The following PEX14 variants were observed in gnomAD, a reference collection of about 807,000 sequenced individuals.
PEX14 encodes the protein peroxisomal membrane protein PEX14.
A neutral mutation model predicts 49.5 loss-of-function variants in PEX14; 15 were observed. The ratio of observed to expected loss-of-function variants is 0.30; its 90% CI spans 0.20 to 0.47. The LOEUF is 0.47. Ranked by LOEUF, PEX14 falls within the 20% of genes least tolerant of loss-of-function variation. PEX14 has a pLI of 1.00. For synonymous variants in PEX14, 210 were observed against 212.7 expected (o/e 0.99, Z 0.11); for missense variants, 398 against 494.8 (o/e 0.80, Z 1.86).
chr1:10,509,274 C>A (rs72869157), intron 2 of PEX14, among the ~76,000 whole-genome samples: 179 of 152,256 alleles, frequency 1.2e-3, no homozygotes, highest in African/African-American at 4.2e-3. Flanking sequence ...CCTCACCTCT[C>A]CAGCTCTCTG....
intron 3 of PEX14, among the ~76,000 whole-genome samples, chr1:10,546,793 C>T (rs1199236094): frequency 1.3e-5 from 2 of 151,046 alleles, no homozygotes; most frequent in African/African-American, 4.9e-5. Context: ...GGCGTGAACC[C>T]GGGAGGCGGA....
chr1:10,524,289 T>C (rs7522072), intron 2 of PEX14: 24,950 of 164,984 alleles, frequency 0.15, 2,068 homozygotes, highest in South Asian at 0.3. Flanking sequence ...TAGGGATTTT[T>C]GTAATTTCCA....
rs1197411234 is a variant in PEX14 at position 10,514,042 on chromosome 1, T to C, written c.84+18721T>C. ...CCTGTAATTATTTAACATTATATGC[T>C]GATATAAATTGTAACAGTTAAAGAA... On this transcript the variant is annotated intron_variant, in intron 2 of 8. Transcript: ENST00000356607. This position sits in a 1 kb window ranked among gnomAD's most constrained non-coding sequence, Gnocchi z 4.4. 6.6e-6 allele frequency among the ~76,000 whole-genome samples: 1 copy of C among 151,520 alleles called. No individual in the cohort carries two copies. Among genetic ancestry groups the C allele is most frequent in the African/African-American group, 2.4e-5 (1 of 41,186 alleles).
intron 5 of PEX14, among the ~76,000 whole-genome samples, chr1:10,618,939 C>G (rs1186923456): frequency 1.3e-5 from 2 of 152,226 alleles, no homozygotes; most frequent in Admixed American, 1.3e-4. Flanking sequence ...GACTCAGAGC[C>G]ATGCCCGGCA....
chr1:10,624,357 AC>A lies in PEX14; in HGVS notation c.508del (p.Leu170SerfsTer8). 1.2e-6 allele frequency: 2 copies of A among 1,612,736 alleles called. No homozygotes were observed. The highest frequency in any genetic ancestry group is 1.7e-6 in the Non-Finnish European group (2 of 1,179,274). On this transcript the variant is annotated frameshift_variant, in exon 7 of 9. Transcript: ENST00000356607. LOFTEE classifies it high-confidence loss of function. ...CCTCGCAGTGACTCAGTTACAGACG[AC>A]CCTCGCCTCCGTCCAGGAGCTGCTG... ...VAQTVTQLQT[T>X]LASVQELLIQ...
chr1:10,482,522 C>G (rs1319471461), intron 1 of PEX14, among the ~76,000 whole-genome samples: 1 of 151,424 alleles, frequency 6.6e-6, no homozygotes, highest in African/African-American at 2.4e-5. Flanking sequence ...CAACCTCCGT[C>G]TCCCGGGTTC....
intron 2 of PEX14, among the ~76,000 whole-genome samples, chr1:10,522,216 A>C (rs1289973541): frequency 1.3e-5 from 2 of 152,228 alleles, no homozygotes; most frequent in Non-Finnish European, 2.9e-5. Context: ...TTAGTTACTA[A>C]GCAGAGTAAG....
At chr1:10,547,192 T>C (rs961688540) in intron 3 of PEX14, among the ~76,000 whole-genome samples, 3 of 152,216 alleles carry the variant, frequency 2.0e-5, no homozygotes, top group Non-Finnish European at 2.9e-5. Context: ...GCTTGGCTTC[T>C]ACTTCTGTGA....
At chr1:10,618,451 C>G (rs1268663621) in intron 5 of PEX14, 34 bp downstream of exon 5, 2 of 1,472,596 alleles carry the variant, frequency 1.4e-6, no homozygotes, top group Admixed American at 1.7e-5. Context: ...GGTGCTGTGC[C>G]CCTGCCACCC....
intron 1 of PEX14, among the ~76,000 whole-genome samples, chr1:10,485,782 C>G (rs1461887912): frequency 6.9e-6 from 1 of 144,682 alleles, no homozygotes; most frequent in Admixed American, 6.9e-5. Flanking sequence ...TTGAGACAGA[C>G]TCATGCTGTG....
At chr1:10,569,790 T>C (rs4593832) in intron 3 of PEX14, among the ~76,000 whole-genome samples, 147,731 of 152,262 alleles carry the variant, frequency 0.97, 71,817 homozygotes, top group East Asian at 1. Context: ...TTTCTACCTT[T>C]CTGTGTTGCT....
chr1:10,504,683 C>A (rs987443198), intron 2 of PEX14, among the ~76,000 whole-genome samples: 5 of 152,214 alleles, frequency 3.3e-5, no homozygotes, highest in African/African-American at 1.2e-4. Context: ...GAGTTGCTGA[C>A]AATCAAGCAC....
At chr1:10,615,961 G>A (rs1310089974) in intron 4 of PEX14, among the ~76,000 whole-genome samples, 4 of 152,206 alleles carry the variant, frequency 2.6e-5, no homozygotes, top group African/African-American at 4.8e-5. Context: ...AACTGTATGC[G>A]TGCTACCTGT....
chr1:10,555,464 A>C (rs1639458323), intron 3 of PEX14, among the ~76,000 whole-genome samples: 1 of 152,140 alleles, frequency 6.6e-6, no homozygotes, highest in Non-Finnish European at 1.5e-5. Context: ...GAGGAAACCC[A>C]AAAAAAGCAC....
chr1:10,626,408 C>T (rs1641746005), intron 7 of PEX14, among the ~76,000 whole-genome samples: 1 of 152,206 alleles, frequency 6.6e-6, no homozygotes, highest in African/African-American at 2.4e-5. Context: ...CACTCTCAGA[C>T]TGCCCGGGTT....
At chr1:10,545,487 G>A (rs1000740378) in intron 3 of PEX14, among the ~76,000 whole-genome samples, 2 of 152,198 alleles carry the variant, frequency 1.3e-5, no homozygotes, top group African/African-American at 4.8e-5. Flanking sequence ...CTGGAGAATA[G>A]GAAGATGAAG....
intron 2 of PEX14, among the ~76,000 whole-genome samples, chr1:10,520,252 G>A (rs1440738981): frequency 6.7e-6 from 1 of 150,020 alleles, no homozygotes; most frequent in Non-Finnish European, 1.5e-5. Flanking sequence ...TCAACCTTCT[G>A]AGCTCAAGCG....
chr1:10,629,427 C>T lies in PEX14; in HGVS notation c.678-104C>T, dbSNP rs1641843380. On this transcript the variant is annotated intron_variant, in intron 8 of 8. Transcript: ENST00000356607. This position sits in a 1 kb window ranked among gnomAD's most constrained non-coding sequence, Gnocchi z 8.5. ...CCCTTGCCCAGTGTCCCTGGGGGAG[C>T]AGCTCACCATCGCCGAGCCCTTGCG... The T allele has an allele frequency of 5.1e-6, 4 of 781,752 alleles. No individual in the cohort carries two copies. The highest frequency in any genetic ancestry group is 2.4e-5 in the East Asian group (1 of 41,174). 48.4% of individuals were successfully genotyped at this position (781,752 alleles called of 1,614,324 possible).
intron 3 of PEX14, among the ~76,000 whole-genome samples, chr1:10,560,978 A>G (rs532213067): frequency 1.3e-5 from 2 of 152,138 alleles, no homozygotes; most frequent in Non-Finnish European, 2.9e-5. Context: ...CGGCCTCCCA[A>G]AGTGCCGAGA....
Sources: allele counts gnomAD v4.1 joint callset (sites outside exome capture counted in the v4.1 genomes callset), GRCh38; gene constraint gnomAD v4.1.1; non-coding constraint Gnocchi (gnomAD v3.1); transcripts MANE v1.5; gene names NCBI Gene and HGNC (gene_info 2026-07-23, HGNC 2026-07-21).